Variants in TMEM266 observed in about 807,000 individuals in gnomAD.
TMEM266 encodes the protein Hv1 related protein 1.
In TMEM266, 33 loss-of-function variants were observed where a neutral mutation model predicts 50.5. The ratio of observed to expected loss-of-function variants is 0.65; its 90% confidence interval spans 0.50 to 0.87. TMEM266 has a LOEUF of 0.87. TMEM266 is among the 40% of genes least tolerant of loss of function. TMEM266 has a pLI of 0.00. For missense variants in TMEM266, 655 were observed against 695.1 expected (o/e 0.94, Z 0.65); for synonymous variants, 310 against 292.3 (o/e 1.06, Z -0.62).
intron 3 of TMEM266, among the ~76,000 whole-genome samples, chr15:76,151,211 AG>A (rs1220185939): frequency 6.6e-6 from 1 of 152,178 alleles, no homozygotes; most frequent in African/African-American, 2.4e-5. Context: ...ACAGAAGGAA[AG>A]CACCTTCTCT....
intron 3 of TMEM266, among the ~76,000 whole-genome samples, chr15:76,149,028 T>C (rs2142041114): frequency 6.6e-6 from 1 of 152,264 alleles, no homozygotes; most frequent in Admixed American, 6.5e-5. Flanking sequence ...TGAGCCCGCA[T>C]CTCAGAGTCT....
intron 1 of TMEM266, among the ~76,000 whole-genome samples, chr15:76,127,260 T>C (rs561208448): frequency 1.3e-5 from 2 of 151,994 alleles, no homozygotes; most frequent in African/African-American, 4.8e-5. Flanking sequence ...ATACCTCAGC[T>C]ATGCGGGGGA....
intron 2 of TMEM266, among the ~76,000 whole-genome samples, chr15:76,137,248 C>T (rs1315592760): frequency 6.6e-6 from 1 of 152,202 alleles, no homozygotes; most frequent in Admixed American, 6.5e-5. Context: ...TGAACAGAAA[C>T]CTGTTTTCTC....
Position 76,204,264 on chromosome 15 carries a change from C to T in TMEM266, c.1545C>T (p.Phe515=), listed in dbSNP as rs748778819. 1 of 1,613,214 alleles carries T rather than the reference C, an allele frequency of 6.2e-7. No individual in the cohort carries two copies. Among genetic ancestry groups the T allele is most frequent in the Non-Finnish European group, 8.5e-7 (1 of 1,179,520 alleles). Residue 515 remains phenylalanine (F), a synonymous_variant, in exon 11 of 11, where the codon TTC becomes TTT. Coordinates refer to ENST00000388942, the MANE Select transcript of TMEM266 (RefSeq NM_152335.3). ...CTGTGCCCATGCTGGAGGACAAGTT[C>T]AGATCTTTGGAATCCAAAGAGCAAA...
Position 76,156,594 on chromosome 15 carries a change from GT to G in TMEM266, c.228-9del. 6.2e-7 allele frequency: 1 copy of G among 1,613,126 alleles called. No individual in the cohort carries two copies. Among genetic ancestry groups the G allele is most frequent in the Non-Finnish European group, 8.5e-7 (1 of 1,179,854 alleles). On this transcript the variant is annotated splice_polypyrimidine_tract_variant and intron_variant, in intron 3 of 10. Coordinates refer to ENST00000388942, the MANE Select transcript of TMEM266 (RefSeq NM_152335.3). ...CTGAGCCTCTCTTCTCCCCACTTTT[GT>G]CCCCACAGGTCTAACTGGCTGAAGC...
At chr15:76,077,817 G>C (rs1035303368) in intron 1 of TMEM266, among the ~76,000 whole-genome samples, 1 of 152,100 alleles carries the variant, frequency 6.6e-6, no homozygotes, top group African/African-American at 2.4e-5. Context: ...CTCCAAAACT[G>C]TGAGAGAATA....
chr15:76,187,387 C>CGATGAG (rs2142077580), intron 8 of TMEM266, among the ~76,000 whole-genome samples: 1 of 152,304 alleles, frequency 6.6e-6, no homozygotes, highest in East Asian at 1.9e-4. Flanking sequence ...CTGCAGGCCT[C>CGATGAG]GATGAGTGGC....
chr15:76,139,414 GCT>G lies in TMEM266; in HGVS notation c.227+1522_227+1523del, dbSNP rs908608404. On this transcript the variant is annotated intron_variant, in intron 3 of 10. Coordinates refer to ENST00000388942, the MANE Select transcript of TMEM266 (RefSeq NM_152335.3). This position sits in a 1 kb window ranked among gnomAD's most constrained non-coding sequence, Gnocchi z 4.1. ...ACCTGCAGTGGCAGCACTGTCCTGA[GCT>G]CTGTCAGGTCCTTACCATCTTGAAG... 6.6e-6 allele frequency among the ~76,000 whole-genome samples: 1 copy of G among 152,228 alleles called. No individual in the cohort carries two copies. The highest frequency in any genetic ancestry group is 1.5e-5 in the Non-Finnish European group (1 of 68,038).
rs1359333069 is a variant in TMEM266 at position 76,138,147 on chromosome 15, G to A, written c.227+252G>A. ...TGAGGCAGGAGAATTGCTTGAACCCGAGAGGCGGAGGTTGCAGTGAGCTGA... is the reference window on the plus strand; with the variant it reads ...TGAGGCAGGAGAATTGCTTGAACCCAAGAGGCGGAGGTTGCAGTGAGCTGA... On this transcript the variant is annotated intron_variant, in intron 3 of 10. Coordinates refer to ENST00000388942, the MANE Select transcript of TMEM266 (RefSeq NM_152335.3). Among the ~76,000 whole-genome samples, 9 of 146,872 alleles carry A rather than the reference G, an allele frequency of 6.1e-5. No individual in the cohort carries two copies. In the East Asian group the frequency reaches 6.2e-4, roughly 10 times the overall value.
Position 76,100,562 on chromosome 15 carries a change from G to T in TMEM266, c.-96-33606G>T, listed in dbSNP as rs143574200. ...CATATCTCCATAGCCTTGGTGCCAT[G>T]CCCTGCCTATCGTAGGTGTTTGGTC... On this transcript the variant is annotated intron_variant, in intron 1 of 10. Coordinates refer to ENST00000388942, the MANE Select transcript of TMEM266 (RefSeq NM_152335.3). Among the ~76,000 whole-genome samples, 153 of 152,316 alleles carry T rather than the reference G, an allele frequency of 1.0e-3. 1 individual carries two copies. The highest frequency in any genetic ancestry group is 3.4e-3 in the African/African-American group (143 of 41,572).
chr15:76,127,101 G>C (rs1163029166), intron 1 of TMEM266, among the ~76,000 whole-genome samples: 2 of 152,090 alleles, frequency 1.3e-5, no homozygotes, highest in African/African-American at 4.8e-5. Context: ...GAAATCTCCA[G>C]TATTCTCATT....
chr15:76,186,510 T>G (rs916602731), intron 8 of TMEM266, among the ~76,000 whole-genome samples: 15 of 152,166 alleles, frequency 9.9e-5, no homozygotes, highest in African/African-American at 3.4e-4. Flanking sequence ...CCCCACACCC[T>G]CTGGGTGTGA....
At chr15:76,149,769 A>G (rs1279480030) in intron 3 of TMEM266, among the ~76,000 whole-genome samples, 1 of 152,246 alleles carries the variant, frequency 6.6e-6, no homozygotes. Flanking sequence ...TGCCTTTTAA[A>G]GCAACTAGAC....
At chr15:76,084,704 A>C (rs2955735) in intron 1 of TMEM266, among the ~76,000 whole-genome samples, 1 of 151,452 alleles carries the variant, frequency 6.6e-6, no homozygotes, top group Non-Finnish European at 1.5e-5. Flanking sequence ...GGGTTCAAGC[A>C]ATTCTTCTGC....
chr15:76,096,657 T>G (rs182412022), intron 1 of TMEM266, among the ~76,000 whole-genome samples: 1 of 152,066 alleles, frequency 6.6e-6, no homozygotes, highest in Non-Finnish European at 1.5e-5. Flanking sequence ...GTCCCGAATA[T>G]TCTGGTTAAT....
In TMEM266 at chr15:76,204,663, C is replaced by T. The variant is rs1018444760; in HGVS notation, c.*348C>T. ...GTTGCCTTCGTTCCTGACGCCCACC[C>T]TGGACTCTAGGGAACAGCACTGTGA... On this transcript the variant is annotated 3_prime_UTR_variant, in exon 11 of 11. Coordinates refer to ENST00000388942, the MANE Select transcript of TMEM266 (RefSeq NM_152335.3). The T allele has an allele frequency of 5.1e-6, 1 of 197,020 alleles. No individual in the cohort carries two copies. Among genetic ancestry groups the T allele is most frequent in the Non-Finnish European group, 1.0e-5 (1 of 95,698 alleles). 12.2% of individuals were successfully genotyped at this position (197,020 alleles called of 1,614,324 possible). A position where few individuals can be genotyped will look rare whatever the true frequency, so the allele number is the denominator to read the frequency against.
At chr15:76,063,666 C>G (rs1044336708) in intron 1 of TMEM266, among the ~76,000 whole-genome samples, 1 of 152,172 alleles carries the variant, frequency 6.6e-6, no homozygotes, top group African/African-American at 2.4e-5. Flanking sequence ...GTGTATTGCC[C>G]ATCTCCCCCA....
At chr15:76,115,730 A>G (rs1487136721) in intron 1 of TMEM266, among the ~76,000 whole-genome samples, 2 of 152,120 alleles carry the variant, frequency 1.3e-5, no homozygotes, top group Non-Finnish European at 2.9e-5. Flanking sequence ...GAAGTCCTTA[A>G]CTAGACAGGG....
At chr15:76,101,538 A>G (rs899131192) in intron 1 of TMEM266, among the ~76,000 whole-genome samples, 1 of 152,198 alleles carries the variant, frequency 6.6e-6, no homozygotes, top group African/African-American at 2.4e-5. Flanking sequence ...AGACTTTGGG[A>G]AGGTCACCAC....
Sources: allele counts gnomAD v4.1 joint callset (sites outside exome capture counted in the v4.1 genomes callset), GRCh38; gene constraint gnomAD v4.1.1; non-coding constraint Gnocchi (gnomAD v3.1); transcripts MANE v1.5; gene names NCBI Gene and HGNC (gene_info 2026-07-23, HGNC 2026-07-21).